The following PRKCZ variants were observed in gnomAD, a reference collection of about 807,000 sequenced individuals.
PRKCZ encodes the protein protein kinase C zeta type.
A neutral mutation model predicts 79.5 loss-of-function variants in PRKCZ; 33 were observed. That is an observed-to-expected ratio of 0.41 (90% CI 0.31 to 0.55). The LOEUF is 0.55. Among genes scored for constraint, PRKCZ ranks in the 20% least tolerant of loss-of-function variants. The pLI, the probability that PRKCZ is intolerant of heterozygous loss-of-function variation, is 0.19. For missense variants in PRKCZ, 578 were observed against 813.5 expected (o/e 0.71, Z 3.52); for synonymous variants, 342 against 320.9 (o/e 1.07, Z -0.70).
At chr1:2,147,618 A>G (rs564655333) in intron 7 of PRKCZ, among the ~76,000 whole-genome samples, 6 of 143,828 alleles carry the variant, frequency 4.2e-5, no homozygotes, top group South Asian at 2.2e-4. Flanking sequence ...CTATCCAGCT[A>G]TTGTCCACTG....
At chr1:2,085,704 GGGGGGCCCTGTTCTC>G (rs1664390110) in intron 4 of PRKCZ, among the ~76,000 whole-genome samples, 3 of 135,402 alleles carry the variant, frequency 2.2e-5, no homozygotes, top group East Asian at 2.1e-4. Flanking sequence ...TGAGGACGTC[GGGGGGCCCTGTTCTC>G]AGAGCCCGTG....
intron 5 of PRKCZ, chr1:2,141,002 G>A (rs1677204249): frequency 6.6e-6 from 1 of 152,230 alleles, no homozygotes; most frequent in South Asian, 2.1e-4. Context: ...GGAACAAGTT[G>A]GCAGCATGTA....
Position 2,135,187 on chromosome 1 carries a change from C to T in PRKCZ, c.335-75C>T, listed in dbSNP as rs1378907211. 2.3e-5 allele frequency: 30 copies of T among 1,298,450 alleles called. 1 individual carries two copies. The highest frequency in any genetic ancestry group is 2.9e-5 in the Non-Finnish European group (27 of 919,958). 80.4% of individuals were successfully genotyped at this position (1,298,450 alleles called of 1,614,324 possible). On this transcript the variant is annotated intron_variant, in intron 4 of 17. Coordinates refer to ENST00000378567, the MANE Select transcript of PRKCZ (RefSeq NM_002744.6). ...GCCGCCACCACCTGGACGGGAGTGG[C>T]CTGTCGCAGCTGCACCCTGCGTGGG...
At chr1:2,069,667 A>G (rs1661408335) in intron 4 of PRKCZ, among the ~76,000 whole-genome samples, 1 of 152,108 alleles carries the variant, frequency 6.6e-6, no homozygotes, top group Non-Finnish European at 1.5e-5. Context: ...CGGTCCCCTG[A>G]ACCCTGGCAG....
chr1:2,070,127 C>T (rs1661445992), intron 4 of PRKCZ, among the ~76,000 whole-genome samples: 1 of 152,228 alleles, frequency 6.6e-6, no homozygotes. Flanking sequence ...CTGGTGGTGT[C>T]CTCGGGGTCA....
intron 11 of PRKCZ, among the ~76,000 whole-genome samples, chr1:2,170,444 T>C (rs1009287560): frequency 6.6e-6 from 1 of 152,186 alleles, no homozygotes; most frequent in Non-Finnish European, 1.5e-5. Context: ...CAGTAGGCAA[T>C]AAATCTAGAA....
intron 4 of PRKCZ, among the ~76,000 whole-genome samples, chr1:2,132,970 G>C (rs1193534942): frequency 6.6e-6 from 1 of 152,216 alleles, no homozygotes; most frequent in African/African-American, 2.4e-5. Flanking sequence ...GGCTCCCCAC[G>C]TGAATTTAGG....
chr1:2,155,036 G>A (rs924144702), intron 9 of PRKCZ, among the ~76,000 whole-genome samples: 7 of 152,204 alleles, frequency 4.6e-5, no homozygotes, highest in Non-Finnish European at 1.0e-4. Flanking sequence ...GAGGCCAGAG[G>A]CCAGTATACC....
chr1:2,061,780 C>T (rs1053950497), intron 4 of PRKCZ, among the ~76,000 whole-genome samples: 1 of 152,206 alleles, frequency 6.6e-6, no homozygotes, highest in African/African-American at 2.4e-5. Context: ...GGGTCCCAGG[C>T]CACCAGGGCT....
At chr1:2,102,538 T>C (rs1215914966) in intron 4 of PRKCZ, among the ~76,000 whole-genome samples, 3 of 151,980 alleles carry the variant, frequency 2.0e-5, no homozygotes, top group Non-Finnish European at 4.4e-5. Flanking sequence ...TTCACTGTGT[T>C]AGCCGGGATG....
Position 2,127,066 on chromosome 1 carries a change from G to A in PRKCZ, c.335-8196G>A, listed in dbSNP as rs570409059. On this transcript the variant is annotated intron_variant, in intron 4 of 17. Transcript: ENST00000378567. The surrounding 1 kb of genome is among the most constrained non-coding windows in gnomAD (Gnocchi z 5.1). ...CTCGGCTGTGCCTCTTCTGTCTCTC[G>A]AGCTCTTCTGTGCCGTGTGGTTGCA... 9.8e-5 allele frequency among the ~76,000 whole-genome samples: 15 copies of A among 152,302 alleles called. No homozygotes were observed. In the East Asian group the frequency reaches 2.5e-3, roughly 26 times the overall value.
chr1:2,181,209 C>A (rs1411073972), intron 16 of PRKCZ, among the ~76,000 whole-genome samples: 1 of 152,160 alleles, frequency 6.6e-6, no homozygotes, highest in East Asian at 1.9e-4. Flanking sequence ...TCATGGGGCC[C>A]CTCTGTGGCC....
rs780392749 is a variant in PRKCZ, at chr1:2,172,252, G to C, written c.1198-49G>C. On this transcript the variant is annotated intron_variant, in intron 12 of 17. Coordinates refer to ENST00000378567, the MANE Select transcript of PRKCZ (RefSeq NM_002744.6). The surrounding 1 kb of genome is among the most constrained non-coding windows in gnomAD (Gnocchi z 7.8). Reference sequence around the variant, plus strand: ...ATGTGCGTCTCGGGGCGCCTGTCCCGCGGGGTAGTGTCTACAAGAACCCTC... The same window carrying C: ...ATGTGCGTCTCGGGGCGCCTGTCCCCCGGGGTAGTGTCTACAAGAACCCTC... 3.7e-6 allele frequency: 6 copies of C among 1,613,338 alleles called. No individual in the cohort carries two copies. The highest frequency in any genetic ancestry group is 4.2e-6 in the Non-Finnish European group (5 of 1,179,966).
chr1:2,161,960 G>T (rs1426123190), intron 10 of PRKCZ, among the ~76,000 whole-genome samples: 2 of 151,918 alleles, frequency 1.3e-5, no homozygotes, highest in South Asian at 2.1e-4. Context: ...TTATAAACTT[G>T]TATCCCATTT....
In PRKCZ at chr1:2,177,330, G is replaced by A. The variant is rs554048879; in HGVS notation, c.1575+2017G>A. ...TCCCCGCTCCCAGCCACCTCCCCTC[G>A]CCCGTCTCAGCTCAGTCTCCCCCGT... On this transcript the variant is annotated intron_variant, in intron 16 of 17. Transcript: ENST00000378567. This position sits in a 1 kb window ranked among gnomAD's most constrained non-coding sequence, Gnocchi z 6.4. 3.4e-4 allele frequency among the ~76,000 whole-genome samples: 51 copies of A among 152,090 alleles called. No homozygotes were observed. The highest frequency in any genetic ancestry group is 2.3e-3 in the East Asian group (12 of 5,160).
chr1:2,091,286 C>T (rs1015308636), intron 4 of PRKCZ, among the ~76,000 whole-genome samples: 1 of 152,224 alleles, frequency 6.6e-6, no homozygotes, highest in African/African-American at 2.4e-5. Flanking sequence ...ATCTGCCCGT[C>T]TTGGCCTCCC....
chr1:2,158,708 C>G (rs1320464495), intron 10 of PRKCZ, among the ~76,000 whole-genome samples: 2 of 152,178 alleles, frequency 1.3e-5, no homozygotes, highest in South Asian at 4.1e-4. Flanking sequence ...TCCGATATCC[C>G]ACCCTCACTT....
rs938702612 is a variant in PRKCZ, at chr1:2,165,828, G to T, written c.975-3690G>T. Among the ~76,000 whole-genome samples the T allele has an allele frequency of 3.3e-5, 5 of 152,120 alleles. No individual in the cohort carries two copies. Among genetic ancestry groups the T allele is most frequent in the South Asian group, 4.1e-4 (2 of 4,824 alleles). Reference sequence around the variant, plus strand: ...GGCACCTTGCATTCCTGGAAGGGGTGGGGGGAGTGGCGAGGAGGGGGCGGC... The same window carrying T: ...GGCACCTTGCATTCCTGGAAGGGGTTGGGGGAGTGGCGAGGAGGGGGCGGC... On this transcript the variant is annotated intron_variant, in intron 10 of 17. Coordinates refer to ENST00000378567, the MANE Select transcript of PRKCZ (RefSeq NM_002744.6). The surrounding 1 kb of genome is among the most constrained non-coding windows in gnomAD (Gnocchi z 4.1).
intron 1 of PRKCZ, among the ~76,000 whole-genome samples, chr1:2,053,026 C>T (rs887268772): frequency 5.9e-5 from 9 of 152,136 alleles, no homozygotes; most frequent in Non-Finnish European, 1.3e-4. Flanking sequence ...TCCCAGGTGG[C>T]CTGGGCCAGA....
Sources: allele counts gnomAD v4.1 joint callset (sites outside exome capture counted in the v4.1 genomes callset), GRCh38; gene constraint gnomAD v4.1.1; non-coding constraint Gnocchi (gnomAD v3.1); transcripts MANE v1.5; gene names NCBI Gene and HGNC (gene_info 2026-07-23, HGNC 2026-07-21).